The following HSF1 variants were observed in gnomAD, a reference collection of about 807,000 sequenced individuals.
HSF1 encodes heat shock factor protein 1.
A neutral mutation model predicts 51.7 loss-of-function variants in HSF1; 32 were observed. The observed-to-expected ratio is 0.62, with a 90% CI of 0.47 to 0.83. The LOEUF (loss-of-function observed/expected upper bound fraction) is 0.83. Among genes scored for constraint, HSF1 ranks in the 40% least tolerant of loss-of-function variants. The pLI is 0.00. For missense variants in HSF1, 727 were observed against 717.0 expected (o/e 1.01, Z -0.16); for synonymous variants, 396 against 309.7 (o/e 1.28, Z -2.92).
chr8:144,304,092 C>G (rs1433303982), intron 1 of HSF1, among the ~76,000 whole-genome samples: 1 of 152,136 alleles, frequency 6.6e-6, no homozygotes, highest in Admixed American at 6.6e-5. Context: ...ATGTGAAACT[C>G]TGGTGGTCTG....
At chr8:144,303,583 T>C (rs1433913883) in intron 1 of HSF1, among the ~76,000 whole-genome samples, 1 of 151,080 alleles carries the variant, frequency 6.6e-6, no homozygotes, top group Non-Finnish European at 1.5e-5. Flanking sequence ...TATTTAAAAC[T>C]TGTGGTTTTT....
chr8:144,309,340 A>G, intron 2 of HSF1, 115 bp from the exon 3 acceptor site: 1 of 1,432,076 alleles, frequency 7.0e-7, no homozygotes, highest in South Asian at 1.3e-5. Flanking sequence ...CTGAGGGGGC[A>G]GGGCAGGGTC....
intron 1 of HSF1, among the ~76,000 whole-genome samples, chr8:144,307,968 TC>T (rs1816333383): frequency 6.6e-6 from 1 of 152,230 alleles, no homozygotes; most frequent in South Asian, 2.1e-4. Context: ...ACCGTTTCCC[TC>T]CCTGACACGT....
intron 9 of HSF1, chr8:144,313,182 G>A (rs571658513): frequency 2.0e-5 from 8 of 397,844 alleles, no homozygotes; most frequent in South Asian, 9.3e-5. Flanking sequence ...CCAGTGCAAC[G>A]GGAAACCTCA....
At chr8:144,300,907 A>G (rs150253719) in intron 1 of HSF1, among the ~76,000 whole-genome samples, 2 of 152,322 alleles carry the variant, frequency 1.3e-5, no homozygotes, top group East Asian at 1.9e-4. Flanking sequence ...CATGTATTCT[A>G]AAGTAAAAAG....
intron 4 of HSF1, chr8:144,310,211 A>G: frequency 3.1e-6 from 1 of 321,932 alleles, no homozygotes; most frequent in Non-Finnish European, 5.9e-6. Flanking sequence ...TTTGAGGACA[A>G]GCCTTGCACA....
At chr8:144,298,703 G>A (rs1457514694) in intron 1 of HSF1, among the ~76,000 whole-genome samples, 2 of 152,198 alleles carry the variant, frequency 1.3e-5, no homozygotes, top group African/African-American at 2.4e-5. Flanking sequence ...CACGTGCAGA[G>A]AACCCAACAA....
rs376758251 is a variant in HSF1, at chr8:144,311,447, C to G, written c.627-58C>G. 1.1e-5 allele frequency: 17 copies of G among 1,612,384 alleles called. No individual in the cohort carries two copies. The East Asian group carries it at 2.0e-4, about 19-fold the overall frequency. ...CAGGGCTGTCCCCCTTCTCTGTCAGCTGTGCCCCGGGTACCCCGAGGTGGG... is the reference window on the plus strand; with the variant it reads ...CAGGGCTGTCCCCCTTCTCTGTCAGGTGTGCCCCGGGTACCCCGAGGTGGG... On this transcript the variant is annotated intron_variant, in intron 6 of 12. Coordinates refer to ENST00000528838, the MANE Select transcript of HSF1 (RefSeq NM_005526.4).
chr8:144,313,939 G>A (rs782409584), intron 11 of HSF1, 28 bp downstream of exon 11: 15 of 1,610,250 alleles, frequency 9.3e-6, no homozygotes, highest in Admixed American at 3.3e-5. Flanking sequence ...GGGTGAGGGG[G>A]AACGAGACCA....
In HSF1 at chr8:144,314,040, G is replaced by T; in HGVS notation, c.1370G>T (p.Ser457Ile). Residue 457 changes from serine (S) to isoleucine (I), a missense_variant, in exon 12 of 13, where the codon AGC becomes ATC. Ser to Ile is a moderately radical substitution (Grantham distance 142). Coordinates refer to ENST00000528838, the MANE Select transcript of HSF1 (RefSeq NM_005526.4). ...CCCAGGCCTCCCGAGGCAGAGAACAGCAGCCCGGATTCAGGTGAGCCAAGT... is the reference window on the plus strand; with the variant it reads ...CCCAGGCCTCCCGAGGCAGAGAACATCAGCCCGGATTCAGGTGAGCCAAGT... ...EPPRPPEAEN[S>I]SPDSGKQLVH... 6.2e-7 allele frequency: 1 copy of T among 1,607,628 alleles called. No individual in the cohort carries two copies. Among genetic ancestry groups the T allele is most frequent in the South Asian group, 1.1e-5 (1 of 90,776 alleles).
At chr8:144,312,406 A>G (rs2130453524) in intron 9 of HSF1, among the ~76,000 whole-genome samples, 162 bp downstream of exon 9, 1 of 152,150 alleles carries the variant, frequency 6.6e-6, no homozygotes, top group East Asian at 1.9e-4. Flanking sequence ...TGCCAGCCAG[A>G]TCACCCCACA....
intron 4 of HSF1, chr8:144,310,906 G>C (rs1289085837): frequency 1.9e-6 from 1 of 527,628 alleles, no homozygotes. Flanking sequence ...TGGATGCCAG[G>C]ATCCGGGTGC....
At chr8:144,312,570 G>A (rs1405291188) in intron 9 of HSF1, 14 of 1,407,630 alleles carry the variant, frequency 9.9e-6, no homozygotes, top group South Asian at 4.9e-5. Context: ...GAGCAGGGCC[G>A]GCCTCCACAC....
At chr8:144,307,927 T>A (rs1554843569) in intron 1 of HSF1, among the ~76,000 whole-genome samples, 1 of 152,244 alleles carries the variant, frequency 6.6e-6, no homozygotes, top group African/African-American at 2.4e-5. Context: ...TTTCGCCGTC[T>A]CTCTCCTGCT....
intron 1 of HSF1, among the ~76,000 whole-genome samples, chr8:144,304,793 TGA>T (rs1816106073): frequency 6.6e-6 from 1 of 151,062 alleles, no homozygotes; most frequent in African/African-American, 2.4e-5. Context: ...ATTACAGGCA[TGA>T]GCCACGACAC....
At chr8:144,305,593 G>A (rs1326612998) in intron 1 of HSF1, among the ~76,000 whole-genome samples, 7 of 152,082 alleles carry the variant, frequency 4.6e-5, no homozygotes, top group South Asian at 4.1e-4. Flanking sequence ...GAGCCACTGC[G>A]CCTGGCCGGC....
chr8:144,305,546 C>A (rs1816151925), intron 1 of HSF1, among the ~76,000 whole-genome samples: 1 of 152,108 alleles, frequency 6.6e-6, no homozygotes, highest in Admixed American at 6.5e-5. Flanking sequence ...CGTGATCCAA[C>A]CACCTTGGCC....
Position 144,311,771 on chromosome 8 carries a change from C to G in HSF1, c.795C>G (p.Ile265Met). 1 of 1,612,852 alleles carries G rather than the reference C, an allele frequency of 6.2e-7. No homozygotes were observed. The highest frequency in any genetic ancestry group is 8.5e-7 in the Non-Finnish European group (1 of 1,179,834). ...CTGTGGCCAGCTCTGGACCCATCAT[C>G]TCCGACATCACCGAGCTGGCTCCTG... ...PDAVASSGPIISDITELAPAS... is the reference protein window; with the variant it reads ...PDAVASSGPIMSDITELAPAS... Residue 265 changes from isoleucine to methionine, a missense_variant, in exon 8 of 13, where the codon ATC (isoleucine) becomes ATG (methionine). This residue lies in a region of HSF1 where 470 missense variants were observed against 398.8 expected (regional missense o/e 1.18). Transcript: ENST00000528838.
intron 4 of HSF1, chr8:144,310,871 G>A (rs1472854777): frequency 1.5e-5 from 7 of 466,322 alleles, no homozygotes; most frequent in African/African-American, 1.2e-4. Flanking sequence ...TGTGTCCAAG[G>A]CAGCCCTCCA....
Sources: allele counts gnomAD v4.1 joint callset (sites outside exome capture counted in the v4.1 genomes callset), GRCh38; gene constraint gnomAD v4.1.1; regional missense constraint gnomAD v4.1.1; transcripts MANE v1.5; gene names NCBI Gene and HGNC (gene_info 2026-07-23, HGNC 2026-07-21).